The following RYR2 variants were observed in gnomAD, a reference collection of about 807,000 sequenced individuals.
RYR2 encodes the protein ryanodine receptor 2, also known as cardiac muscle ryanodine receptor-calcium release channel.
A neutral mutation model predicts 601.1 loss-of-function variants in RYR2; 227 were observed. That is an observed-to-expected ratio of 0.38 (90% confidence interval 0.34 to 0.42). The LOEUF is 0.42. RYR2 is among the 10% of genes least tolerant of loss of function. RYR2 has a pLI of 1.00. For missense variants in RYR2, 4,646 were observed against 6,156.5 expected (o/e 0.75, Z 8.21); for synonymous variants, 2,223 against 2,175.1 (o/e 1.02, Z -0.61).
chr1:237,136,305 G>T (rs1469616004), intron 1 of RYR2, among the ~76,000 whole-genome samples: 1 of 152,196 alleles, frequency 6.6e-6, no homozygotes, highest in Non-Finnish European at 1.5e-5. Flanking sequence ...ATGCAAGGCA[G>T]AGTTGCATAA....
chr1:237,328,760 G>A (rs1387647071), intron 2 of RYR2, among the ~76,000 whole-genome samples: 1 of 152,118 alleles, frequency 6.6e-6, no homozygotes, highest in African/African-American at 2.4e-5. Flanking sequence ...TAACCATAAA[G>A]CATCATTTTA....
intron 1 of RYR2, among the ~76,000 whole-genome samples, chr1:237,211,879 G>T (rs568056578): frequency 2.0e-5 from 3 of 152,282 alleles, no homozygotes; most frequent in Non-Finnish European, 4.4e-5. Context: ...ACCTACTCGA[G>T]GGAGGTGTCA....
intron 1 of RYR2, among the ~76,000 whole-genome samples, chr1:237,048,755 G>A (rs775315590): frequency 6.6e-6 from 1 of 152,164 alleles, no homozygotes; most frequent in Non-Finnish European, 1.5e-5. Context: ...GGTGAGTTGG[G>A]ACCGTGTTGG....
intron 1 of RYR2, among the ~76,000 whole-genome samples, chr1:237,237,954 T>TTCCTTTCCTTTCCTTTCCTG (rs1685750602): frequency 7.3e-6 from 1 of 136,976 alleles, no homozygotes; most frequent in African/African-American, 2.7e-5. Context: ...CCCCTTTCCT[T>TTCCTTTCCTTTCCTTTCCTG]TCCTTTCCTT....
At chr1:237,511,931 A>G (rs1016445901) in intron 24 of RYR2, 140 bp downstream of exon 24, 11 of 580,248 alleles carry the variant, frequency 1.9e-5, no homozygotes, top group East Asian at 2.8e-5. Flanking sequence ...TTTATAATGC[A>G]TAAGTGGATT....
chr1:237,087,124 A>T (rs980354623), intron 1 of RYR2, among the ~76,000 whole-genome samples: 1 of 152,132 alleles, frequency 6.6e-6, no homozygotes, highest in African/African-American at 2.4e-5. Flanking sequence ...TCCCTGAAGG[A>T]GGGACTGCAT....
At chr1:237,094,242 G>A (rs1667267151) in intron 1 of RYR2, among the ~76,000 whole-genome samples, 1 of 152,204 alleles carries the variant, frequency 6.6e-6, no homozygotes, top group Non-Finnish European at 1.5e-5. Flanking sequence ...GGAAGCCTGT[G>A]GTTATTGCTA....
At chr1:237,532,779 A>T (rs1310181996) in intron 25 of RYR2, among the ~76,000 whole-genome samples, 1 of 152,198 alleles carries the variant, frequency 6.6e-6, no homozygotes, top group Non-Finnish European at 1.5e-5. Context: ...GATACAATTC[A>T]ACTTATTTCA....
chr1:237,570,988 G>A (rs558941625), intron 29 of RYR2, among the ~76,000 whole-genome samples: 1 of 152,100 alleles, frequency 6.6e-6, no homozygotes, highest in Non-Finnish European at 1.5e-5. Context: ...TTAGCCAGTT[G>A]TGGTGGCATG....
intron 27 of RYR2, among the ~76,000 whole-genome samples, chr1:237,560,207 A>G (rs971159552): frequency 6.6e-6 from 1 of 152,206 alleles, no homozygotes; most frequent in African/African-American, 2.4e-5. Context: ...CTCACATCCC[A>G]CTATGGATAT....
chr1:237,791,332 A>C, intron 92 of RYR2, 97 bp from the exon 93 acceptor site: 1 of 715,684 alleles, frequency 1.4e-6, no homozygotes, highest in Non-Finnish European at 2.5e-6. Flanking sequence ...CTTGCGATCA[A>C]TTGTTTGGGG....
At chr1:237,326,257 G>A (rs903449291) in intron 2 of RYR2, among the ~76,000 whole-genome samples, 3 of 151,794 alleles carry the variant, frequency 2.0e-5, no homozygotes, top group African/African-American at 7.3e-5. Context: ...GGGGAGGATG[G>A]TGACCAGTTT....
At chr1:237,278,268 T>TA (rs1690496222) in intron 2 of RYR2, among the ~76,000 whole-genome samples, 1 of 140,184 alleles carries the variant, frequency 7.1e-6, no homozygotes, top group Admixed American at 7.1e-5. Context: ...TTTTTTTTTT[T>TA]TTTGTAGAGA....
At chr1:237,745,496 T>C (rs975840537) in intron 80 of RYR2, among the ~76,000 whole-genome samples, 2 of 152,176 alleles carry the variant, frequency 1.3e-5, no homozygotes, top group Non-Finnish European at 2.9e-5. Flanking sequence ...AGAGAAGGTG[T>C]TGCTAGCCAA....
chr1:237,589,482 G>A (rs546208293), intron 29 of RYR2, among the ~76,000 whole-genome samples: 1 of 152,220 alleles, frequency 6.6e-6, no homozygotes, highest in South Asian at 2.1e-4. Context: ...CTGCAGGGCG[G>A]GGATCTCTAG....
At chr1:237,139,377 C>T (rs1438225673) in intron 1 of RYR2, among the ~76,000 whole-genome samples, 1 of 152,096 alleles carries the variant, frequency 6.6e-6, no homozygotes, top group East Asian at 1.9e-4. Context: ...GGGCTAAAGG[C>T]AGTGGGAGGA....
At position 237,290,649 on chromosome 1, in the gene RYR2, A is replaced by G. The variant is rs904352872; in HGVS notation, c.168+20033A>G. Reference sequence around the variant, plus strand: ...AAATACCATAGTATGTAAAGCAAACAAATAAAACAGAGCAACATAAAAACA... The same window carrying G: ...AAATACCATAGTATGTAAAGCAAACGAATAAAACAGAGCAACATAAAAACA... On this transcript the variant is annotated intron_variant, in intron 2 of 104. Transcript: ENST00000366574. 6.6e-4 allele frequency among the ~76,000 whole-genome samples: 100 copies of G among 152,318 alleles called. 1 individual carries two copies. Among genetic ancestry groups the G allele is most frequent in the African/African-American group, 2.3e-3 (95 of 41,566 alleles).
intron 1 of RYR2, among the ~76,000 whole-genome samples, chr1:237,094,647 C>T (rs984626365): frequency 5.9e-5 from 9 of 152,052 alleles, no homozygotes; most frequent in Admixed American, 4.6e-4. Context: ...CGATCTCGGC[C>T]CACTGCAAAC....
chr1:237,276,192 T>C (rs1363424789), intron 2 of RYR2, among the ~76,000 whole-genome samples: 2 of 152,212 alleles, frequency 1.3e-5, no homozygotes, highest in Non-Finnish European at 2.9e-5. Context: ...GTCCACCTCC[T>C]GCATTCAAGC....
Sources: allele counts gnomAD v4.1 joint callset (sites outside exome capture counted in the v4.1 genomes callset), GRCh38; gene constraint gnomAD v4.1.1; transcripts MANE v1.5; gene names NCBI Gene and HGNC (gene_info 2026-07-23, HGNC 2026-07-21).